The following MTMR10 variants were observed in gnomAD, a reference collection of about 807,000 sequenced individuals.
MTMR10 encodes myotubularin-related protein 10.
In MTMR10, 56 loss-of-function variants were observed where a neutral mutation model predicts 88.1. That is an observed-to-expected ratio of 0.64 (90% CI 0.51 to 0.79). MTMR10 has a LOEUF of 0.79. Ranked by LOEUF, MTMR10 falls within the 30% of genes least tolerant of loss-of-function variation. MTMR10 has a pLI of 0.00. For missense variants in MTMR10, 883 were observed against 924.7 expected (o/e 0.95, Z 0.58); for synonymous variants, 380 against 340.9 (o/e 1.11, Z -1.26).
chr15:30,975,877 A>G (rs139026438), intron 3 of MTMR10, among the ~76,000 whole-genome samples: 58 of 152,302 alleles, frequency 3.8e-4, no homozygotes, highest in African/African-American at 1.4e-3. Flanking sequence ...GTAAGTGTGT[A>G]TAATACTTTA....
At chr15:30,937,006 A>G, downstream of MTMR10, 3 of 800,524 alleles carry the variant, frequency 3.7e-6, no homozygotes, top group Non-Finnish European at 6.2e-6. Flanking sequence ...TTACAAATAC[A>G]GTGAGAGAGC....
At chr15:30,983,070 A>ATG (rs1350204341) in intron 2 of MTMR10, among the ~76,000 whole-genome samples, 1 of 152,244 alleles carries the variant, frequency 6.6e-6, no homozygotes, top group African/African-American at 2.4e-5. Flanking sequence ...CAGGGAGACT[A>ATG]TACGCCTGTG....
the MTMR10 span, chr15:30,930,582 G>A: frequency 2.2e-5 from 35 of 1,612,076 alleles, 1 homozygote; most frequent in South Asian, 3.3e-4. Flanking sequence ...GCTCAGTGGT[G>A]TGTGCAGGCA....
intron 7 of MTMR10, 64 bp from the exon 8 acceptor site, chr15:30,959,185 G>C: frequency 7.3e-7 from 1 of 1,376,100 alleles, no homozygotes; most frequent in South Asian, 1.3e-5. Context: ...TGCTCCTGCA[G>C]ACCCTATAAA....
In MTMR10 at chr15:30,941,929, ACTGTTCTGG is replaced by A. The variant is rs1342491964; in HGVS notation, c.1866_1874del (p.Gln623_Ser625del). ...ATTCTCTAAAATACTGCTCCGTATCACTGTTCTGGCTGTCGGTTTGCTGAGCTGGATCTG... is the reference window on the plus strand; with the variant it reads ...ATTCTCTAAAATACTGCTCCGTATCACTGTCGGTTTGCTGAGCTGGATCTG... On this transcript the variant is annotated inframe_deletion, in exon 16 of 16. Coordinates refer to ENST00000435680, the MANE Select transcript of MTMR10 (RefSeq NM_017762.3). 1.2e-6 allele frequency: 2 copies of A among 1,613,840 alleles called. No homozygotes were observed. Among genetic ancestry groups the A allele is most frequent in the Non-Finnish European group, 1.7e-6 (2 of 1,179,884 alleles).
chr15:30,974,907 G>A (rs777477167), intron 4 of MTMR10, 24 bp downstream of exon 4: 5 of 1,405,882 alleles, frequency 3.6e-6, no homozygotes, highest in Non-Finnish European at 4.8e-6. Flanking sequence ...TTGACTTTTA[G>A]AGTATGTACG....
At chr15:30,948,722 C>A in intron 12 of MTMR10, 1 of 539,208 alleles carries the variant, frequency 1.9e-6, no homozygotes, top group Non-Finnish European at 3.3e-6. Flanking sequence ...ATCACTCATA[C>A]TTTTTACATT....
At chr15:30,946,933 C>T (rs1454603419) in intron 14 of MTMR10, 197 bp downstream of exon 14, 1 of 723,676 alleles carries the variant, frequency 1.4e-6, no homozygotes, top group Non-Finnish European at 2.1e-6. Context: ...TAGAGTAAAA[C>T]AAAAAATGTT....
At chr15:30,959,001 C>T in intron 8 of MTMR10, 33 bp downstream of exon 8, 1 of 1,613,318 alleles carries the variant, frequency 6.2e-7, no homozygotes, top group Non-Finnish European at 8.5e-7. Flanking sequence ...CAATGGACGT[C>T]AGCATTCATA....
At chr15:30,937,262 A>G (rs950357609), downstream of MTMR10, 1 of 1,607,710 alleles carries the variant, frequency 6.2e-7, no homozygotes. Flanking sequence ...GCTAAAAGGT[A>G]TGGAATTGGG....
chr15:30,920,634 A>G, the MTMR10 span: 5 of 1,608,096 alleles, frequency 3.1e-6, no homozygotes, highest in African/African-American at 2.7e-5. Context: ...GAAATACTGC[A>G]GAGACTTCAC....
At chr15:30,937,597 G>A (rs1220152488), downstream of MTMR10, among the ~76,000 whole-genome samples, 1 of 151,590 alleles carries the variant, frequency 6.6e-6, no homozygotes, top group Non-Finnish European at 1.5e-5. Flanking sequence ...GACTACAGGT[G>A]TGCGCCACCA....
At chr15:30,962,257 G>T (rs909369197) in intron 6 of MTMR10, among the ~76,000 whole-genome samples, 4 of 152,188 alleles carry the variant, frequency 2.6e-5, no homozygotes, top group African/African-American at 9.7e-5. Flanking sequence ...TGAGAAACAA[G>T]CTGTCCCACA....
rs527985910 is a variant in MTMR10 at position 30,941,361 on chromosome 15, T to C, written c.*109A>G. On this transcript the variant is annotated 3_prime_UTR_variant, in exon 16 of 16. Transcript: ENST00000435680. ...TAAATATTAGTGCAAATTCCAACTA[T>C]TATTCTTACATATAAAGTTATTAGA... is the stretch of plus-strand genomic sequence containing the variant. 6 of 1,538,030 alleles carry C rather than the reference T, an allele frequency of 3.9e-6. No homozygotes were observed. In the East Asian group the frequency reaches 1.2e-4, roughly 31 times the overall value.
the MTMR10 span, among the ~76,000 whole-genome samples, chr15:30,932,707 G>GT: frequency 7.8e-6 from 1 of 127,920 alleles, no homozygotes; most frequent in Non-Finnish European, 1.6e-5. Flanking sequence ...GTTTATATTT[G>GT]TTTCTTTTCT....
chr15:30,929,782 TATC>T, the MTMR10 span, among the ~76,000 whole-genome samples: 840 of 50,414 alleles, frequency 0.017, 176 homozygotes, highest in African/African-American at 0.069. Flanking sequence ...TAATATATTA[TATC>T]ATATATAATA....
At chr15:30,967,454 T>C (rs1880499) in intron 6 of MTMR10, among the ~76,000 whole-genome samples, 62,838 of 152,052 alleles carry the variant, frequency 0.41, 14,407 homozygotes, top group East Asian at 0.85. Context: ...TACTCAGAAA[T>C]AGAAACTCAG....
intron 1 of MTMR10, 131 bp downstream of exon 1, chr15:30,991,316 C>T (rs959836760): frequency 2.1e-6 from 2 of 956,850 alleles, no homozygotes; most frequent in African/African-American, 1.7e-5. Flanking sequence ...CGCCGGGAAT[C>T]AGGCAGCCGC....
At chr15:30,955,012 T>A (rs2063302225) in intron 9 of MTMR10, 119 bp from the exon 10 acceptor site, 1 of 854,092 alleles carries the variant, frequency 1.2e-6, no homozygotes, top group Non-Finnish European at 1.6e-6. Flanking sequence ...TCTGCCTTCA[T>A]GGAGTTTACT....
Sources: gnomAD v4.1 joint callset for allele counts (sites outside exome capture counted in the v4.1 genomes callset) on GRCh38, gnomAD v4.1.1 for gene constraint, MANE v1.5 for transcripts, NCBI Gene and HGNC (gene_info 2026-07-23, HGNC 2026-07-21) for gene names.